Variants in ADGRB3 observed in about 807,000 individuals in gnomAD.
ADGRB3 encodes the protein adhesion G protein-coupled receptor B3, also known as brain-specific angiogenesis inhibitor 3.
Under a neutral mutation model 193.4 loss-of-function variants are expected in ADGRB3, and 37 were observed. That is an observed-to-expected ratio of 0.19 (90% CI 0.15 to 0.25). The LOEUF (loss-of-function observed/expected upper bound fraction) is 0.25. Ranked by LOEUF, ADGRB3 falls within the 10% of genes least tolerant of loss-of-function variation. The probability of loss-of-function intolerance (pLI) is 1.00; values close to 1 mark genes in which losing one functional copy is unlikely to be tolerated. For synonymous variants in ADGRB3, 690 were observed against 644.2 expected, an observed-to-expected ratio of 1.07 and a Z score of -1.08; for missense variants, 1,637 against 1,852.9, an observed-to-expected ratio of 0.88 and a Z score of 2.14.
At position 69,014,029 on chromosome 6, in the gene ADGRB3, A is replaced by G; in HGVS notation, c.1930-9A>G. ...TAATATTAAATCTTTTATCTAATTT[A>G]ATTTACAGAACTTCTTTCAAATAGT... is the stretch of plus-strand genomic sequence containing the variant. On this transcript the variant is annotated splice_polypyrimidine_tract_variant and intron_variant, in intron 11 of 31. Coordinates refer to ENST00000370598, the MANE Select transcript of ADGRB3 (RefSeq NM_001704.3). 2 of 1,534,910 alleles carry G rather than the reference A, an allele frequency of 1.3e-6. No homozygotes were observed. Among genetic ancestry groups the G allele is most frequent in the Non-Finnish European group, 1.8e-6 (2 of 1,121,300 alleles).
intron 17 of ADGRB3, among the ~76,000 whole-genome samples, chr6:69,108,957 G>A (rs987637334): frequency 6.6e-6 from 1 of 152,106 alleles, no homozygotes; most frequent in Non-Finnish European, 1.5e-5. Flanking sequence ...AGAAGAATAG[G>A]TATAAACTGG....
chr6:68,680,363 A>G lies in ADGRB3; in HGVS notation c.757+40931A>G, dbSNP rs1035083378. ...GAGGCAGTAAAAATAGATCCGTACA[A>G]AGTAAGCAGCAGGGCAAGAGAGAGG... On this transcript the variant is annotated intron_variant, in intron 3 of 31. Transcript: ENST00000370598. 9.2e-5 allele frequency among the ~76,000 whole-genome samples: 14 copies of G among 152,210 alleles called. 1 individual carries two copies. The highest frequency in any genetic ancestry group is 3.1e-4 in the African/African-American group (13 of 41,468).
intron 3 of ADGRB3, among the ~76,000 whole-genome samples, chr6:68,801,138 T>TAA (rs1252842069): frequency 6.6e-6 from 1 of 152,170 alleles, no homozygotes; most frequent in Admixed American, 6.5e-5. Context: ...CTCATATATA[T>TAA]AATGGAAAAA....
At chr6:68,851,617 T>C (rs1768404434) in intron 3 of ADGRB3, among the ~76,000 whole-genome samples, 1 of 151,816 alleles carries the variant, frequency 6.6e-6, no homozygotes. Context: ...ATCTGATCAC[T>C]ACAAATTATA....
intron 3 of ADGRB3, among the ~76,000 whole-genome samples, chr6:68,910,635 T>TTTC (rs1191698978): frequency 6.6e-6 from 1 of 152,254 alleles, no homozygotes; most frequent in Non-Finnish European, 1.5e-5. Flanking sequence ...GCTATCCAGT[T>TTTC]TTCCCAGCAC....
chr6:69,331,910 G>T (rs1768739593), intron 23 of ADGRB3: 1 of 985,288 alleles, frequency 1.0e-6, no homozygotes, highest in Non-Finnish European at 1.2e-6. Flanking sequence ...GTGGTATCTT[G>T]TCAGGAAACT....
chr6:69,076,168 C>A (rs1582442646), intron 17 of ADGRB3, 130 bp downstream of exon 17: 1 of 729,240 alleles, frequency 1.4e-6, no homozygotes, highest in East Asian at 2.6e-5. Context: ...AAAAAATCCT[C>A]TTTTTGAATC....
rs376232751 is a variant in ADGRB3 at position 69,133,005 on chromosome 6, A to G, written c.2480+56967A>G. 1.1e-4 allele frequency among the ~76,000 whole-genome samples: 16 copies of G among 152,292 alleles called. No homozygotes were observed. The East Asian group carries it at 2.5e-3, about 24-fold the overall frequency. On this transcript the variant is annotated intron_variant, in intron 17 of 31. Coordinates refer to ENST00000370598, the MANE Select transcript of ADGRB3 (RefSeq NM_001704.3). ...TCTATATATCTGTTTTGGTACCAGT[A>G]CCATGCTGTTTTGGTTACTGTTGCC...
At chr6:68,801,543 G>A (rs536719885) in intron 3 of ADGRB3, among the ~76,000 whole-genome samples, 1 of 152,000 alleles carries the variant, frequency 6.6e-6, no homozygotes, top group Admixed American at 6.5e-5. Flanking sequence ...CAAAAAAATG[G>A]CTGGGTGTGG....
At chr6:68,740,699 A>G (rs1372504554) in intron 3 of ADGRB3, among the ~76,000 whole-genome samples, 1 of 152,210 alleles carries the variant, frequency 6.6e-6, no homozygotes, top group Non-Finnish European at 1.5e-5. Context: ...ATTGTCCCTT[A>G]ACAATATTAT....
At chr6:68,984,059 A>C (rs1562110533) in intron 10 of ADGRB3, among the ~76,000 whole-genome samples, 1 of 152,184 alleles carries the variant, frequency 6.6e-6, no homozygotes, top group Non-Finnish European at 1.5e-5. Context: ...GTAAGCAAGA[A>C]GAGAGTGTCA....
intron 26 of ADGRB3, among the ~76,000 whole-genome samples, chr6:69,349,463 TTTTGTTTATTGACTTTGCTATCA>T (rs6149630): frequency 0.037 from 5,644 of 152,274 alleles, 173 homozygotes; most frequent in Admixed American, 0.095. Flanking sequence ...GATTTTCACT[TTTTGTTTATTGACTTTGCTATCA>T]GCAAAGTCAT....
chr6:68,723,629 T>C (rs1250815944), intron 3 of ADGRB3, among the ~76,000 whole-genome samples: 1 of 151,772 alleles, frequency 6.6e-6, no homozygotes. Context: ...GCACTATGGA[T>C]TGGATATACC....
rs1236510888 is a variant in ADGRB3, at chr6:69,239,210, C to T, written c.2798C>T (p.Thr933Ile). The T allele has an allele frequency of 6.4e-7, 1 of 1,569,762 alleles. No homozygotes were observed. The highest frequency in any genetic ancestry group is 8.8e-7 in the Non-Finnish European group (1 of 1,142,328). Residue 933 changes from threonine to isoleucine, a missense_variant, in exon 20 of 32, where the codon ACT becomes ATT. This residue lies in a region of ADGRB3 where 87 missense variants were observed against 161.0 expected (regional missense o/e 0.54). Coordinates refer to ENST00000370598, the MANE Select transcript of ADGRB3 (RefSeq NM_001704.3). ...SSNILILVGQ[T>I]QTHNKSICTT... ...AATATCCTCATACTGGTTGGACAGA[C>T]TCAGACACATAATAAGGTATGACTG...
intron 17 of ADGRB3, among the ~76,000 whole-genome samples, chr6:69,228,441 T>G (rs907308819): frequency 2.0e-5 from 3 of 152,198 alleles, no homozygotes; most frequent in Non-Finnish European, 4.4e-5. Context: ...CAACTAATAT[T>G]ATGATGTTGA....
At chr6:69,310,946 C>G (rs1409165294) in intron 20 of ADGRB3, among the ~76,000 whole-genome samples, 2 of 151,556 alleles carry the variant, frequency 1.3e-5, no homozygotes, top group African/African-American at 4.8e-5. Context: ...GTAATTTCGG[C>G]CCAATATAGA....
intron 3 of ADGRB3, among the ~76,000 whole-genome samples, chr6:68,881,211 T>A (rs2150224422): frequency 6.6e-6 from 1 of 152,108 alleles, no homozygotes; most frequent in East Asian, 1.9e-4. Context: ...ATACATTGGA[T>A]ATTTTACATA....
At chr6:69,223,206 A>AT (rs1195734102) in intron 17 of ADGRB3, among the ~76,000 whole-genome samples, 1 of 152,086 alleles carries the variant, frequency 6.6e-6, no homozygotes, top group Non-Finnish European at 1.5e-5. Flanking sequence ...GTGAACCCTT[A>AT]TTTTTGCATT....
intron 13 of ADGRB3, among the ~76,000 whole-genome samples, chr6:69,019,847 T>C (rs1401651186): frequency 1.3e-5 from 2 of 152,022 alleles, no homozygotes; most frequent in African/African-American, 4.8e-5. Context: ...GGTATCTTTG[T>C]TGAACGATGA....
Sources: allele counts gnomAD v4.1 joint callset (sites outside exome capture counted in the v4.1 genomes callset), GRCh38; gene constraint gnomAD v4.1.1; regional missense constraint gnomAD v4.1.1; transcripts MANE v1.5; gene names NCBI Gene and HGNC (gene_info 2026-07-23, HGNC 2026-07-21).